The following IKBKE variants were observed in gnomAD, a reference collection of about 807,000 sequenced individuals.
The protein encoded by IKBKE is inhibitor of nuclear factor kappa B kinase subunit epsilon.
Under a neutral mutation model 92.1 loss-of-function variants are expected in IKBKE, and 45 were observed. The ratio of observed to expected loss-of-function variants is 0.49; its 90% confidence interval spans 0.38 to 0.63. IKBKE has a LOEUF of 0.63. IKBKE is among the 20% of genes least tolerant of loss of function. The pLI, the probability that IKBKE is intolerant of heterozygous loss-of-function variation, is 0.00. For missense variants in IKBKE, 700 were observed against 932.8 expected, an observed-to-expected ratio of 0.75 and a Z score of 3.25; for synonymous variants, 374 against 380.3, an observed-to-expected ratio of 0.98 and a Z score of 0.19.
chr1:206,476,932 C>T lies in IKBKE; in HGVS notation c.701+94C>T, dbSNP rs1309898495. 2 of 1,345,854 alleles carry T rather than the reference C, an allele frequency of 1.5e-6. No individual in the cohort carries two copies. The highest frequency in any genetic ancestry group is 4.7e-5 in the East Asian group (2 of 42,716). 83.4% of individuals were successfully genotyped at this position (1,345,854 alleles called of 1,614,324 possible). ...TGCTGTGTCTTCTGGTCCCCTCACACTCCATGGCCCTCCTCTGGTCCACCC... is the reference window on the plus strand; with the variant it reads ...TGCTGTGTCTTCTGGTCCCCTCACATTCCATGGCCCTCCTCTGGTCCACCC... On this transcript the variant is annotated intron_variant, in intron 7 of 21. Transcript: ENST00000581977. The surrounding 1 kb of genome is among the most constrained non-coding windows in gnomAD (Gnocchi z 5.1).
rs1181524715 is a variant in IKBKE, at chr1:206,476,559, G to GAC, written c.541-117_541-116dup. 5.5e-5 allele frequency: 70 copies of GAC among 1,278,068 alleles called. No homozygotes were observed. The highest frequency in any genetic ancestry group is 6.6e-5 in the Admixed American group (3 of 45,194). The allele number at this position is 1,278,068 out of a possible 1,614,324, so 79.2% of individuals were successfully genotyped here. A position where few individuals can be genotyped will look rare whatever the true frequency, so the allele number is the denominator to read the frequency against. On this transcript the variant is annotated intron_variant, in intron 6 of 21. Transcript: ENST00000581977. This position sits in a 1 kb window ranked among gnomAD's most constrained non-coding sequence, Gnocchi z 5.1. ...TGAGGCTGACACCCATTTTTAAGATGACAAAGAAGGATTTGAACAGTTCTG... is the reference window on the plus strand; with the variant it reads ...TGAGGCTGACACCCATTTTTAAGATGACACAAAGAAGGATTTGAACAGTTCTG...
chr1:206,480,157 G>A, intron 12 of IKBKE, 44 bp downstream of exon 12: 1 of 1,309,826 alleles, frequency 7.6e-7, no homozygotes, highest in East Asian at 3.1e-5. Context: ...AGGCGGGCAG[G>A]AGAGGGAGGC....
chr1:206,496,305 C>A lies in IKBKE; in HGVS notation c.*160C>A. On this transcript the variant is annotated 3_prime_UTR_variant, in exon 22 of 22. Transcript: ENST00000581977. ...TGTCGCCAGCATTACCTTCCACTGC[C>A]TTTCTCCCTGGGAAGCAGCACAGCT... 1.5e-6 allele frequency: 1 copy of A among 655,480 alleles called. No homozygotes were observed. The highest frequency in any genetic ancestry group is 2.8e-6 in the Non-Finnish European group (1 of 361,388). 40.6% of individuals were successfully genotyped at this position (655,480 alleles called of 1,614,324 possible).
At position 206,479,093 on chromosome 1, in the gene IKBKE, C is replaced by T. The variant is rs782508359; in HGVS notation, c.1143C>T (p.Leu381=). The part of the protein sequence containing the change: ...AHTTASSPLT[L]FSTAIPKGLA... ...CGACGGCAAGCAGCCCCCTGACCCTCTTCAGCACAGCCATCCCTAAGGGGC... is the reference window on the plus strand; with the variant it reads ...CGACGGCAAGCAGCCCCCTGACCCTTTTCAGCACAGCCATCCCTAAGGGGC... Residue 381 remains leucine, a synonymous_variant, in exon 10 of 22, where the codon CTC becomes CTT. Transcript: ENST00000581977. The T allele has an allele frequency of 5.6e-6, 9 of 1,612,530 alleles. No homozygotes were observed. The highest frequency in any genetic ancestry group is 5.3e-5 in the African/African-American group (4 of 74,934).
At chr1:206,494,592 C>CTCTT in intron 21 of IKBKE, among the ~76,000 whole-genome samples, 1 of 63,906 alleles carries the variant, frequency 1.6e-5, no homozygotes, top group East Asian at 6.1e-4. Flanking sequence ...AAAGTTCTTT[C>CTCTT]TTTTTTTTTT....
At chr1:206,489,303 A>G (rs1665813902) in intron 16 of IKBKE, among the ~76,000 whole-genome samples, 1 of 146,252 alleles carries the variant, frequency 6.8e-6, no homozygotes, top group Non-Finnish European at 1.5e-5. Flanking sequence ...AACATTTATA[A>G]CACATCTCTA....
chr1:206,492,084 T>C, intron 18 of IKBKE: 1 of 323,524 alleles, frequency 3.1e-6, no homozygotes, highest in Non-Finnish European at 6.0e-6. Context: ...TCTGCCTGCC[T>C]CTACAATCTA....
chr1:206,481,099 G>T (rs142395354), intron 13 of IKBKE, among the ~76,000 whole-genome samples: 2 of 152,184 alleles, frequency 1.3e-5, no homozygotes, highest in Admixed American at 6.5e-5. Context: ...GAGAGAGACC[G>T]GGCAGGAGGA....
rs782143652 is a variant in IKBKE at position 206,473,296 on chromosome 1, G to T, written c.69G>T (p.Val23=). 1.9e-6 allele frequency: 3 copies of T among 1,612,494 alleles called. No homozygotes were observed. The highest frequency in any genetic ancestry group is 2.5e-6 in the Non-Finnish European group (3 of 1,179,380). Residue 23 remains valine (V), a synonymous_variant, in exon 3 of 22, where the codon GTG becomes GTT. Transcript: ENST00000581977. ...DLLGQGATAS[V]YKARNKKSGE... The stretch of plus-strand genomic sequence containing the variant: ...TGGGGCAGGGGGCCACTGCCAGTGT[G>T]TACAAGGCCCGCAACAAGGTAGGAA...
In IKBKE at chr1:206,477,979, A is replaced by G. The variant is rs928255387; in HGVS notation, c.812+120A>G. ...TTCCGGGCATGCTGCAGGCTTGGGC[A>G]CACCACTTTCCCATCTGGTTGCTGG... On this transcript the variant is annotated intron_variant, in intron 8 of 21. Coordinates refer to ENST00000581977, the MANE Select transcript of IKBKE (RefSeq NM_014002.4). 8.2e-5 allele frequency: 72 copies of G among 878,814 alleles called. 1 individual carries two copies. In the South Asian group the frequency reaches 8.3e-4, roughly 10 times the overall value. 54.4% of individuals were successfully genotyped at this position (878,814 alleles called of 1,614,324 possible).
Position 206,490,142 on chromosome 1 carries a change from C to A in IKBKE, c.1694-677C>A, listed in dbSNP as rs1553389917. Among the ~76,000 whole-genome samples, 1 of 152,152 alleles carries A rather than the reference C, an allele frequency of 6.6e-6. No homozygotes were observed. Among genetic ancestry groups the A allele is most frequent in the Non-Finnish European group, 1.5e-5 (1 of 68,010 alleles). ...CTCTTAGCTGGCCGAGTGCAGGGCC[C>A]AGGAGGGGGACTCTGCTATGAGAGG... is the stretch of plus-strand genomic sequence containing the variant. On this transcript the variant is annotated intron_variant, in intron 16 of 21. Transcript: ENST00000581977. The surrounding 1 kb of genome is among the most constrained non-coding windows in gnomAD (Gnocchi z 5.2).
chr1:206,488,863 A>C (rs1185815019), intron 16 of IKBKE, among the ~76,000 whole-genome samples: 1 of 152,166 alleles, frequency 6.6e-6, no homozygotes, highest in African/African-American at 2.4e-5. Context: ...AACAAGTGAA[A>C]TTAATTTTAA....
chr1:206,479,828 C>T, intron 10 of IKBKE, 42 bp from the exon 11 acceptor site: 1 of 1,601,566 alleles, frequency 6.2e-7, no homozygotes, highest in Non-Finnish European at 8.5e-7. Context: ...GCCGACCCAG[C>T]ACCATACAGG....
intron 16 of IKBKE, among the ~76,000 whole-genome samples, chr1:206,489,365 GTGTGTATA>G (rs1235334576): frequency 0.031 from 921 of 29,298 alleles, 9 homozygotes; most frequent in African/African-American, 0.07. Flanking sequence ...GTGTGTGTGT[GTGTGTATA>G]TATATATATA....
intron 13 of IKBKE, among the ~76,000 whole-genome samples, chr1:206,483,558 C>T (rs1272004699): frequency 6.6e-6 from 1 of 152,244 alleles, no homozygotes; most frequent in Non-Finnish European, 1.5e-5. Context: ...CAGCTCCCCT[C>T]TCCTTCCCTG....
At chr1:206,492,561 G>A in intron 18 of IKBKE, 1 of 471,896 alleles carries the variant, frequency 2.1e-6, no homozygotes, top group South Asian at 1.5e-5. Context: ...GGCGAGGGCT[G>A]ACCTCCAACC....
In IKBKE at chr1:206,477,831, A is replaced by T. The variant is rs1572243339; in HGVS notation, c.784A>T (p.Thr262Ser). 6.4e-7 allele frequency: 1 copy of T among 1,555,818 alleles called. No homozygotes were observed. Among genetic ancestry groups the T allele is most frequent in the South Asian group, 1.2e-5 (1 of 84,390 alleles). Reference sequence around the variant, plus strand: ...GAACGGGCCCCTGGAGTGGAGCTACACCCTCCCCATCACCTGCCAGCTGTC... The same window carrying T: ...GAACGGGCCCCTGGAGTGGAGCTACTCCCTCCCCATCACCTGCCAGCTGTC... ...RENGPLEWSYTLPITCQLSLG... is the reference protein window; with the variant it reads ...RENGPLEWSYSLPITCQLSLG... The change falls in exon 8 of 22, where the codon ACC (threonine) becomes TCC (serine). Residue 262 changes from threonine to serine, a missense_variant. Thr to Ser is a moderately conservative substitution (Grantham distance 58). Transcript: ENST00000581977.
intron 5 of IKBKE, among the ~76,000 whole-genome samples, chr1:206,475,528 G>T (rs1425162014): frequency 6.6e-6 from 1 of 152,038 alleles, no homozygotes; most frequent in African/African-American, 2.4e-5. Flanking sequence ...TGAGGTTGGG[G>T]GTTTGAGACC....
At chr1:206,484,557 T>C (rs1665560113) in intron 13 of IKBKE, among the ~76,000 whole-genome samples, 1 of 152,206 alleles carries the variant, frequency 6.6e-6, no homozygotes. Context: ...AAGATGATAA[T>C]GTTCTAACTT....
Sources: allele counts gnomAD v4.1 joint callset (sites outside exome capture counted in the v4.1 genomes callset), GRCh38; gene constraint gnomAD v4.1.1; non-coding constraint Gnocchi (gnomAD v3.1); transcripts MANE v1.5; gene names NCBI Gene and HGNC (gene_info 2026-07-23, HGNC 2026-07-21).